Variants in UNC5C observed in about 807,000 individuals in gnomAD.
UNC5C encodes netrin receptor UNC5C.
Under a neutral mutation model 99.8 loss-of-function variants are expected in UNC5C, and 47 were observed. That is an observed-to-expected ratio of 0.47 (90% CI 0.37 to 0.60). The LOEUF is 0.60. Among genes scored for constraint, UNC5C ranks in the 20% least tolerant of loss-of-function variants. The pLI, the probability that UNC5C is intolerant of heterozygous loss-of-function variation, is 0.00. For missense variants in UNC5C, 1,062 were observed against 1,165.9 expected, an observed-to-expected ratio of 0.91 and a Z score of 1.30; for synonymous variants, 487 against 452.2, an observed-to-expected ratio of 1.08 and a Z score of -0.98.
chr4:95,256,298 C>T (rs1419802958), intron 4 of UNC5C, among the ~76,000 whole-genome samples: 1 of 152,158 alleles, frequency 6.6e-6, no homozygotes, highest in Non-Finnish European at 1.5e-5. Context: ...TGCAACTCCA[C>T]TTGGTTGTCT....
intron 1 of UNC5C, among the ~76,000 whole-genome samples, chr4:95,475,262 A>G (rs1481715719): frequency 1.3e-5 from 2 of 152,084 alleles, no homozygotes; most frequent in Non-Finnish European, 2.9e-5. Context: ...AAAGATCCAC[A>G]TTATTGAAGG....
Position 95,449,800 on chromosome 4 carries a change from A to C in UNC5C, c.124+98934T>G, listed in dbSNP as rs552290212. Among the ~76,000 whole-genome samples the C allele has an allele frequency of 2.0e-5, 3 of 152,348 alleles. No individual in the cohort carries two copies. In the South Asian group the frequency reaches 6.2e-4, roughly 32 times the overall value. ...AAGAACTTTAGTCTTATATTTATTG[A>C]AACAATAAAGTCATTTAAGTTTTAG... On this transcript the variant is annotated intron_variant, in intron 1 of 15. Coordinates refer to ENST00000453304, the MANE Select transcript of UNC5C (RefSeq NM_003728.4).
chr4:95,410,397 A>T (rs1345988478), intron 1 of UNC5C, among the ~76,000 whole-genome samples: 1 of 152,202 alleles, frequency 6.6e-6, no homozygotes, highest in Non-Finnish European at 1.5e-5. Flanking sequence ...GCCTTCTCTT[A>T]CTTATGCACA....
intron 1 of UNC5C, among the ~76,000 whole-genome samples, chr4:95,482,304 A>G (rs1024699831): frequency 3.9e-5 from 6 of 152,030 alleles, no homozygotes; most frequent in African/African-American, 1.4e-4. Flanking sequence ...CAAAACCACA[A>G]TGAGATACCA....
At chr4:95,264,275 T>A (rs950599540) in intron 4 of UNC5C, among the ~76,000 whole-genome samples, 6 of 152,136 alleles carry the variant, frequency 3.9e-5, no homozygotes, top group Non-Finnish European at 8.8e-5. Context: ...TCAGAAGACA[T>A]GAACTTGAAG....
intron 1 of UNC5C, among the ~76,000 whole-genome samples, chr4:95,439,754 G>C (rs1746896063): frequency 6.6e-6 from 1 of 152,094 alleles, no homozygotes; most frequent in African/African-American, 2.4e-5. Flanking sequence ...TTAGAACAAT[G>C]AATATTCCCA....
At chr4:95,405,281 G>A (rs1745804027) in intron 1 of UNC5C, among the ~76,000 whole-genome samples, 1 of 152,122 alleles carries the variant, frequency 6.6e-6, no homozygotes, top group Admixed American at 6.5e-5. Context: ...ACTCGCCCCG[G>A]CCTCTACATG....
chr4:95,353,817 T>A (rs1286334805), intron 1 of UNC5C, among the ~76,000 whole-genome samples: 1 of 152,118 alleles, frequency 6.6e-6, no homozygotes, highest in Non-Finnish European at 1.5e-5. Flanking sequence ...ATATTTTAAC[T>A]AAATAACCAT....
rs112055582 is a variant in UNC5C, at chr4:95,190,727, A to G, written c.2137-5531T>C. 9.3e-3 allele frequency among the ~76,000 whole-genome samples: 1,413 copies of G among 152,250 alleles called. 11 individuals are homozygous for G. The highest frequency in any genetic ancestry group is 0.017 in the Admixed American group (254 of 15,296). On this transcript the variant is annotated intron_variant, in intron 12 of 15. Coordinates refer to ENST00000453304, the MANE Select transcript of UNC5C (RefSeq NM_003728.4). ...AGCCCATGCACATCTACACACGCGA[A>G]CCATCAGTCACCAGAAGCAGGCCAC...
chr4:95,521,073 G>A (rs1280828439), intron 1 of UNC5C, among the ~76,000 whole-genome samples: 1 of 151,892 alleles, frequency 6.6e-6, no homozygotes, highest in Non-Finnish European at 1.5e-5. Context: ...TATTTTTTAT[G>A]GTTCTGGAGA....
Position 95,202,413 on chromosome 4 carries a change from A to G in UNC5C, c.2136+318T>C, listed in dbSNP as rs150810597. 6.4e-3 allele frequency among the ~76,000 whole-genome samples: 971 copies of G among 152,350 alleles called. 11 individuals are homozygous for G. Among genetic ancestry groups the G allele is most frequent in the African/African-American group, 0.022 (930 of 41,578 alleles). On this transcript the variant is annotated intron_variant, in intron 12 of 15. Transcript: ENST00000453304. ...AATTATGCCAATTCCTTTTATAGGA[A>G]GAACGCAGCTGAGATAAACATGGAA... is the stretch of plus-strand genomic sequence containing the variant.
rs546689234 is a variant in UNC5C, at chr4:95,328,669, G to T, written c.346+6741C>A. Among the ~76,000 whole-genome samples, 131 of 144,900 alleles carry T rather than the reference G, an allele frequency of 9.0e-4. 1 individual carries two copies. Among genetic ancestry groups the T allele is most frequent in the Admixed American group, 2.3e-3 (32 of 14,030 alleles). On this transcript the variant is annotated intron_variant, in intron 2 of 15. Transcript: ENST00000453304. ...GACTTCCACAATGGTTGAACTAGTT[G>T]ACAGTCCCACCAACAGTGTCAAAGT... is the stretch of plus-strand genomic sequence containing the variant.
chr4:95,443,026 C>CA lies in UNC5C; in HGVS notation c.124+105707dup, dbSNP rs35294507. Among the ~76,000 whole-genome samples, 9 of 151,750 alleles carry CA rather than the reference C, an allele frequency of 5.9e-5. No homozygotes were observed. In the South Asian group the frequency reaches 6.3e-4, roughly 11 times the overall value. ...GGAGCATGAGGAGATAAGCTAATTC[C>CA]AAAAAAAGAAAGAGTGAGAAGCTGG... On this transcript the variant is annotated intron_variant, in intron 1 of 15. Transcript: ENST00000453304.
chr4:95,465,507 T>C (rs1024098682), intron 1 of UNC5C, among the ~76,000 whole-genome samples: 9 of 151,766 alleles, frequency 5.9e-5, no homozygotes, highest in African/African-American at 7.3e-5. Context: ...CTAGCTCCTC[T>C]GGAGGTGTTT....
Position 95,335,740 on chromosome 4 carries a change from T to G in UNC5C, c.125-109A>C, listed in dbSNP as rs1169034440. On this transcript the variant is annotated intron_variant, in intron 1 of 15. Coordinates refer to ENST00000453304, the MANE Select transcript of UNC5C (RefSeq NM_003728.4). The stretch of plus-strand genomic sequence containing the variant: ...TTATAAATGCAGTAATTAAGTGATT[T>G]GAATGCCTGCTGTGTGCCAGGCTGT... 3 of 825,944 alleles carry G rather than the reference T, an allele frequency of 3.6e-6. No individual in the cohort carries two copies. In the East Asian group the frequency reaches 8.0e-5, roughly 22 times the overall value. The allele number at this position is 825,944 out of a possible 1,614,324, so 51.2% of individuals were successfully genotyped here.
intron 12 of UNC5C, among the ~76,000 whole-genome samples, chr4:95,186,698 G>A (rs1736844817): frequency 6.6e-6 from 1 of 152,200 alleles, no homozygotes; most frequent in Admixed American, 6.5e-5. Flanking sequence ...TGGAAGAGAT[G>A]AGGCAATAGC....
At chr4:95,191,686 A>C in intron 12 of UNC5C, among the ~76,000 whole-genome samples, 1 of 129,756 alleles carries the variant, frequency 7.7e-6, no homozygotes, top group African/African-American at 3.0e-5. Flanking sequence ...TCTCCTCCCC[A>C]ATCACCTCCT....
At chr4:95,379,833 G>C (rs1426349651) in intron 1 of UNC5C, among the ~76,000 whole-genome samples, 1 of 152,156 alleles carries the variant, frequency 6.6e-6, no homozygotes, top group Admixed American at 6.5e-5. Context: ...CTAAGATACG[G>C]AGGTGACAAG....
intron 1 of UNC5C, among the ~76,000 whole-genome samples, chr4:95,479,209 T>G (rs1270398911): frequency 6.6e-6 from 1 of 152,064 alleles, no homozygotes; most frequent in Non-Finnish European, 1.5e-5. Flanking sequence ...AAGAGTTATA[T>G]GAATTTTCAT....
Sources: gnomAD v4.1 joint callset for allele counts (sites outside exome capture counted in the v4.1 genomes callset) on GRCh38, gnomAD v4.1.1 for gene constraint, MANE v1.5 for transcripts, NCBI Gene and HGNC (gene_info 2026-07-23, HGNC 2026-07-21) for gene names.